BEST3: variants seen among roughly 807,000 people sequenced by gnomAD.
BEST3 encodes bestrophin 3.
In BEST3, 50 loss-of-function variants were observed where a neutral mutation model predicts 47.1. The ratio of observed to expected loss-of-function variants is 1.06; its 90% CI spans 0.85 to 1.34. The LOEUF is 1.34. Ranked by LOEUF, BEST3 falls within the 40% of genes most tolerant of loss-of-function variation. The pLI, the probability that BEST3 is intolerant of heterozygous loss-of-function variation, is 0.00. For missense variants in BEST3, 765 were observed against 817.0 expected (o/e 0.94, Z 0.78); for synonymous variants, 282 against 298.8 (o/e 0.94, Z 0.58).
At chr12:69,668,420 C>G (rs949475653) in intron 9 of BEST3, among the ~76,000 whole-genome samples, 1 of 152,184 alleles carries the variant, frequency 6.6e-6, no homozygotes, top group Non-Finnish European at 1.5e-5. Context: ...GTGATCTTCA[C>G]TCTCATGCAA....
rs76226396 is a variant in BEST3 at position 69,654,429 on chromosome 12, G to A, written c.*478C>T. On this transcript the variant is annotated 3_prime_UTR_variant, in exon 10 of 10. Transcript: ENST00000330891. Reference sequence around the variant, plus strand: ...TGGTTAGAAAGCCTCAAACAAAAACGTTAGGAAGGAGGGGATCTTTCAGGC... The same window carrying A: ...TGGTTAGAAAGCCTCAAACAAAAACATTAGGAAGGAGGGGATCTTTCAGGC... The A allele has an allele frequency of 6.1e-4, 600 of 986,202 alleles. 4 individuals carry two copies. The African/African-American group carries it at 9.4e-3, about 15-fold the overall frequency. The allele number at this position is 986,202 out of a possible 1,614,324, so 61.1% of individuals were successfully genotyped here. A position where few individuals can be genotyped will look rare whatever the true frequency, so the allele number is the denominator to read the frequency against.
chr12:69,666,752 G>T (rs918864645), intron 9 of BEST3, among the ~76,000 whole-genome samples: 1 of 152,138 alleles, frequency 6.6e-6, no homozygotes, highest in Admixed American at 6.5e-5. Context: ...CATGTGAATT[G>T]CCCATAGAGG....
chr12:69,690,014 A>C (rs1885852619), intron 4 of BEST3, among the ~76,000 whole-genome samples: 1 of 152,228 alleles, frequency 6.6e-6, no homozygotes, highest in Non-Finnish European at 1.5e-5. Context: ...GGGGTACTAA[A>C]AAAACCAACA....
intron 3 of BEST3, 143 bp from the exon 4 acceptor site, chr12:69,694,050 G>A (rs78083319): frequency 3.0e-6 from 2 of 674,372 alleles, no homozygotes; most frequent in Non-Finnish European, 4.9e-6. Flanking sequence ...TTGCCTTCCA[G>A]AAAAAAAATG....
intron 4 of BEST3, among the ~76,000 whole-genome samples, chr12:69,691,888 C>T (rs961722355): frequency 6.6e-6 from 1 of 152,194 alleles, no homozygotes; most frequent in Non-Finnish European, 1.5e-5. Context: ...AACTTGAAGA[C>T]TAATTTTACC....
At chr12:69,698,812 A>G (rs1320225239) in intron 1 of BEST3, among the ~76,000 whole-genome samples, 1 of 152,214 alleles carries the variant, frequency 6.6e-6, no homozygotes, top group Non-Finnish European at 1.5e-5. Flanking sequence ...AGGAAATGAA[A>G]CTCTGGAGCT....
intron 7 of BEST3, among the ~76,000 whole-genome samples, chr12:69,674,951 G>A (rs1884814196): frequency 1.4e-5 from 2 of 141,682 alleles, no homozygotes; most frequent in South Asian, 4.5e-4. Flanking sequence ...AGGCTGGAGT[G>A]CAATGGCTTG....
intron 7 of BEST3, among the ~76,000 whole-genome samples, chr12:69,674,967 G>A (rs73135873): frequency 0.31 from 45,964 of 145,958 alleles, 8,392 homozygotes; most frequent in South Asian, 0.54. Flanking sequence ...GCTTGATCTC[G>A]GCTCACCGCA....
At position 69,695,316 on chromosome 12, in the gene BEST3, A is replaced by T. The variant is rs552379962; in HGVS notation, c.153-852T>A. 5.3e-5 allele frequency among the ~76,000 whole-genome samples: 8 copies of T among 152,342 alleles called. No homozygotes were observed. In the South Asian group the frequency reaches 1.7e-3, roughly 32 times the overall value. On this transcript the variant is annotated intron_variant, in intron 2 of 9. Transcript: ENST00000330891. ...AACTCAAGGAAAGATCCATTATAAC[A>T]AGCATCAAAGGCTCATTTGGGTCAG...
chr12:69,664,186 G>A lies in BEST3; in HGVS notation c.1100+7242C>T, dbSNP rs185756254. Among the ~76,000 whole-genome samples the A allele has an allele frequency of 1.2e-3, 182 of 152,202 alleles. 1 individual carries two copies. Among genetic ancestry groups the A allele is most frequent in the African/African-American group, 4.3e-3 (177 of 41,510 alleles). ...ATGCCCCATGCAAAGATCAAGAGAC[G>A]GAACTTCAGCACTGGTTTGGTGTTA... On this transcript the variant is annotated intron_variant, in intron 9 of 9. Coordinates refer to ENST00000330891, the MANE Select transcript of BEST3 (RefSeq NM_032735.3).
chr12:69,699,130 G>T, intron 1 of BEST3, 75 bp downstream of exon 1: 2 of 847,720 alleles, frequency 2.4e-6, no homozygotes, highest in Non-Finnish European at 2.8e-6. Flanking sequence ...TTCTTTTCAA[G>T]CTCTGCCAGG....
rs184939213 is a variant in BEST3 at position 69,697,876 on chromosome 12, T to A, written c.-15-63A>T. 16 of 1,293,422 alleles carry A rather than the reference T, an allele frequency of 1.2e-5. No homozygotes were observed. The African/African-American group carries it at 2.1e-4, about 17-fold the overall frequency. The allele number at this position is 1,293,422 out of a possible 1,614,324, so 80.1% of individuals were successfully genotyped here. The stretch of plus-strand genomic sequence containing the variant: ...ATGTTTAAAATAGGGCATAAATCTG[T>A]ATGTCTGTATATCAAGGAAATTCAA... On this transcript the variant is annotated intron_variant, in intron 1 of 9. Transcript: ENST00000330891.
chr12:69,649,244 C>T (rs35753095), downstream of BEST3, among the ~76,000 whole-genome samples: 63,980 of 152,118 alleles, frequency 0.42, 15,345 homozygotes, highest in Middle Eastern at 0.59. Context: ...GCGACCTGCC[C>T]GCCTTGGCCT....
intron 7 of BEST3, among the ~76,000 whole-genome samples, chr12:69,674,091 CA>C (rs1474367953): frequency 6.6e-6 from 1 of 151,648 alleles, no homozygotes; most frequent in Admixed American, 6.6e-5. Flanking sequence ...GAGAGAGAGA[CA>C]GGGAGAGAGT....
At position 69,655,140 on chromosome 12, in the gene BEST3, G is replaced by A; in HGVS notation, c.1774C>T (p.Leu592Phe). 2 of 1,614,144 alleles carry A rather than the reference G, an allele frequency of 1.2e-6. No homozygotes were observed. The highest frequency in any genetic ancestry group is 2.7e-5 in the African/African-American group (2 of 75,046). ...PGDTFLKRWS[L>F]PGFLGSSHTS... ...TGGCTGGACCCCAGGAATCCCGGAA[G>A]ACTCCACCTTTTTAGAAAGGTATCA... The change falls in exon 10 of 10, where the codon CTT becomes TTT. Residue 592 changes from leucine to phenylalanine, a missense_variant. Leu to Phe is a conservative substitution (Grantham distance 22). Transcript: ENST00000330891.
chr12:69,651,144 G>A (rs1406769317), downstream of BEST3, among the ~76,000 whole-genome samples: 1 of 152,154 alleles, frequency 6.6e-6, no homozygotes, highest in Non-Finnish European at 1.5e-5. Flanking sequence ...GTAGATCCTG[G>A]CAAACAAGTG....
chr12:69,684,657 T>C lies in BEST3; in HGVS notation c.482-5764A>G, dbSNP rs375149674. ...AGCATCTGAGCCCTTCTCCAAGGGA[T>C]GACACTTTTTCAGGAAGAGTGCAAC... On this transcript the variant is annotated intron_variant, in intron 4 of 9. Transcript: ENST00000330891. 6 of 602,196 alleles carry C rather than the reference T, an allele frequency of 1.0e-5. No individual in the cohort carries two copies. In the African/African-American group the frequency reaches 1.1e-4, roughly 11 times the overall value. The allele number at this position is 602,196 out of a possible 1,614,324, so 37.3% of individuals were successfully genotyped here. A position where few individuals can be genotyped will look rare whatever the true frequency, so the allele number is the denominator to read the frequency against.
chr12:69,689,269 C>G, intron 4 of BEST3: 1 of 985,734 alleles, frequency 1.0e-6, no homozygotes, highest in African/African-American at 1.7e-5. Flanking sequence ...CTGAGTCAGC[C>G]CTCTCTGCTG....
intron 4 of BEST3, among the ~76,000 whole-genome samples, chr12:69,686,089 G>A (rs1885561707): frequency 6.6e-6 from 1 of 151,562 alleles, no homozygotes; most frequent in African/African-American, 2.4e-5. Context: ...AACTGGCACA[G>A]CTGTGAATAC....
Sources: gnomAD v4.1 joint callset for allele counts (sites outside exome capture counted in the v4.1 genomes callset) on GRCh38, gnomAD v4.1.1 for gene constraint, MANE v1.5 for transcripts, NCBI Gene and HGNC (gene_info 2026-07-23, HGNC 2026-07-21) for gene names.